The following CFH variants were observed in gnomAD, a reference collection of about 807,000 sequenced individuals.
CFH encodes H factor 1 (complement).
A neutral mutation model predicts 147.3 loss-of-function variants in CFH; 53 were observed. The observed-to-expected ratio is 0.36, with a 90% CI of 0.29 to 0.45. The LOEUF (loss-of-function observed/expected upper bound fraction) is 0.45, where lower values mean the gene tolerates loss of function less well. Ranked by LOEUF, CFH falls within the 20% of genes least tolerant of loss-of-function variation. The pLI is 1.00. For synonymous variants in CFH, 536 were observed against 489.4 expected (o/e 1.10, Z -1.26); for missense variants, 1,380 against 1,498.0 (o/e 0.92, Z 1.30).
intron 9 of CFH, among the ~76,000 whole-genome samples, chr1:196,696,931 C>A (rs556783221): frequency 6.6e-6 from 1 of 152,136 alleles, no homozygotes; most frequent in Non-Finnish European, 1.5e-5. Context: ...ATAAATGGTG[C>A]TGGGAAAACA....
chr1:196,746,719 A>G (rs1653021439), intron 21 of CFH, among the ~76,000 whole-genome samples: 2 of 152,286 alleles, frequency 1.3e-5, no homozygotes, highest in East Asian at 1.9e-4. Flanking sequence ...AAACAATACA[A>G]TATTATTAGC....
chr1:196,677,661 T>C lies in CFH; in HGVS notation c.613T>C (p.Cys205Arg). Residue 205 changes from cysteine (C) to arginine (R), a missense_variant, in exon 5 of 22, where the codon TGT (cysteine) becomes CGT (arginine). By Grantham distance (180) the Cys-to-Arg change is radical. Around this residue, in one of 4 missense-constraint regions of CFH, gnomAD observed 260 missense variants for 263.3 expected, o/e 0.99. Coordinates refer to ENST00000367429, the MANE Select transcript of CFH (RefSeq NM_000186.4). ...TTTTTGGAGTAAAGAGAAACCAAAG[T>C]GTGTGGGTAAGATACACTTACTGTT... ...DGFWSKEKPKCVEISCKSPDV... is the reference protein window; with the variant it reads ...DGFWSKEKPKRVEISCKSPDV... 1 of 1,612,648 alleles carries C rather than the reference T, an allele frequency of 6.2e-7. No homozygotes were observed. Among genetic ancestry groups the C allele is most frequent in the Non-Finnish European group, 8.5e-7 (1 of 1,178,936 alleles).
Position 196,747,439 on chromosome 1 carries a change from T to A in CFH, c.*126T>A, listed in dbSNP as rs551483226. The A allele has an allele frequency of 2.1e-5, 24 of 1,160,614 alleles. 1 individual carries two copies. The African/African-American group carries it at 2.9e-4, about 14-fold the overall frequency. The allele number at this position is 1,160,614 out of a possible 1,614,324, so 71.9% of individuals were successfully genotyped here. A position where few individuals can be genotyped will look rare whatever the true frequency, so the allele number is the denominator to read the frequency against. On this transcript the variant is annotated 3_prime_UTR_variant, in exon 22 of 22. Coordinates refer to ENST00000367429, the MANE Select transcript of CFH (RefSeq NM_000186.4). ...AAAATTTTGGATTAATTTGTGAAAATGTAATTATAAGCTGAGACCGGTGGC... is the reference window on the plus strand; with the variant it reads ...AAAATTTTGGATTAATTTGTGAAAAAGTAATTATAAGCTGAGACCGGTGGC...
At position 196,737,496 on chromosome 1, in the gene CFH, C is replaced by T; in HGVS notation, c.2618C>T (p.Pro873Leu). The change falls in exon 17 of 22, where the codon CCA becomes CTA. Residue 873 changes from proline (P) to leucine (L), a missense_variant. By Grantham distance (98) the Pro-to-Leu change is moderately conservative (BLOSUM62 -3). Transcript: ENST00000367429. Reference sequence around the variant, plus strand: ...TTAGAAAAAATTCCATGTTCACAACCACCTCAGATAGAACACGGAACCATT... The same window carrying T: ...TTAGAAAAAATTCCATGTTCACAACTACCTCAGATAGAACACGGAACCATT... The part of the protein sequence containing the change: ...LCVEKIPCSQ[P>L]PQIEHGTINS... 1.2e-6 allele frequency: 2 copies of T among 1,612,472 alleles called. No homozygotes were observed. The highest frequency in any genetic ancestry group is 1.7e-6 in the Non-Finnish European group (2 of 1,179,034).
At chr1:196,725,817 G>A (rs1450228062) in intron 12 of CFH, among the ~76,000 whole-genome samples, 3 of 152,078 alleles carry the variant, frequency 2.0e-5, no homozygotes, top group Non-Finnish European at 4.4e-5. Context: ...CCTGAGAGGG[G>A]GCATTCATCT....
chr1:196,676,139 T>C (rs746517444), intron 4 of CFH, 74 bp downstream of exon 4: 2 of 852,186 alleles, frequency 2.3e-6, no homozygotes, highest in Non-Finnish European at 3.7e-6. Context: ...CATTAAAATA[T>C]CTTAAAGTCT....
chr1:196,746,042 T>C, intron 21 of CFH, 43 bp downstream of exon 21: 5 of 1,613,854 alleles, frequency 3.1e-6, no homozygotes, highest in Non-Finnish European at 3.4e-6. Flanking sequence ...ATCTCTGTGA[T>C]GAGTCTGATA....
At chr1:196,682,203 C>T (rs191529566) in intron 6 of CFH, among the ~76,000 whole-genome samples, 18 of 151,648 alleles carry the variant, frequency 1.2e-4, no homozygotes, top group South Asian at 4.1e-4. Context: ...ATCTTTGATC[C>T]GAATCTATCT....
intron 6 of CFH, among the ~76,000 whole-genome samples, chr1:196,684,424 CAT>C (rs1388491160): frequency 6.6e-6 from 1 of 151,918 alleles, no homozygotes; most frequent in Non-Finnish European, 1.5e-5. Flanking sequence ...TATTTTCATT[CAT>C]GTTCACTGTC....
At chr1:196,727,247 A>G (rs1435411957) in intron 14 of CFH, among the ~76,000 whole-genome samples, 2 of 152,154 alleles carry the variant, frequency 1.3e-5, no homozygotes, top group Non-Finnish European at 2.9e-5. Context: ...CACGCCTATA[A>G]CCTCAACACT....
chr1:196,658,966 G>C (rs1237675513), intron 1 of CFH, among the ~76,000 whole-genome samples: 1 of 152,190 alleles, frequency 6.6e-6, no homozygotes, highest in Non-Finnish European at 1.5e-5. Flanking sequence ...TAAATGACTT[G>C]TAAACGTAAG....
chr1:196,732,547 C>G (rs1451122220), intron 15 of CFH, among the ~76,000 whole-genome samples: 3 of 151,958 alleles, frequency 2.0e-5, no homozygotes, highest in Non-Finnish European at 4.4e-5. Context: ...TTCTTTAACT[C>G]ACAGTGTTTC....
chr1:196,679,666 A>G lies in CFH; in HGVS notation c.663A>G (p.Ile221Met), dbSNP rs1259243201. Residue 221 changes from isoleucine to methionine, a missense_variant, in exon 6 of 22, where the codon ATA becomes ATG. By Grantham distance (10) the Ile-to-Met change is conservative (BLOSUM62 1). Around this residue, in one of 4 missense-constraint regions of CFH, gnomAD observed 167 missense variants for 228.0 expected, o/e 0.73. Coordinates refer to ENST00000367429, the MANE Select transcript of CFH (RefSeq NM_000186.4). Reference sequence around the variant, plus strand: ...CAGATGTTATAAATGGATCTCCTATATCTCAGAAGATTATTTATAAGGAGA... The same window carrying G: ...CAGATGTTATAAATGGATCTCCTATGTCTCAGAAGATTATTTATAAGGAGA... ...KSPDVINGSP[I>M]SQKIIYKENE... The G allele has an allele frequency of 6.2e-7, 1 of 1,607,218 alleles. No individual in the cohort carries two copies. The highest frequency in any genetic ancestry group is 2.2e-5 in the East Asian group (1 of 44,714).
intron 6 of CFH, among the ~76,000 whole-genome samples, chr1:196,682,412 A>G (rs568700108): frequency 1.7e-4 from 26 of 151,898 alleles, no homozygotes; most frequent in African/African-American, 6.0e-4. Context: ...TTATGAGTGT[A>G]GGAAATTAAG....
chr1:196,662,476 T>TTTTAA (rs200338154), intron 1 of CFH, among the ~76,000 whole-genome samples: 1,826 of 152,338 alleles, frequency 0.012, 42 homozygotes, highest in African/African-American at 0.042. Context: ...TTTTCTTTGT[T>TTTTAA]TTTCATTTCT....
chr1:196,735,929 A>T (rs896570251), intron 15 of CFH, among the ~76,000 whole-genome samples: 1 of 152,064 alleles, frequency 6.6e-6, no homozygotes, highest in Non-Finnish European at 1.5e-5. Flanking sequence ...CATTGCCATG[A>T]TTTCCTATAG....
intron 11 of CFH, among the ~76,000 whole-genome samples, chr1:196,717,801 C>T (rs1668907677): frequency 6.6e-6 from 1 of 152,122 alleles, no homozygotes; most frequent in African/African-American, 2.4e-5. Flanking sequence ...AAAGGACTCA[C>T]AGCTACTGTG....
chr1:196,740,006 G>A (rs1652756127), intron 17 of CFH, among the ~76,000 whole-genome samples: 1 of 152,178 alleles, frequency 6.6e-6, no homozygotes, highest in Admixed American at 6.5e-5. Context: ...GGAAGGAGAA[G>A]TGCAAAGCAA....
chr1:196,743,361 AT>A, intron 19 of CFH, 90 bp from the exon 20 acceptor site: 2 of 1,522,654 alleles, frequency 1.3e-6, no homozygotes, highest in Non-Finnish European at 1.8e-6. Context: ...CTTATTTTAA[AT>A]TCGTCTTGAA....
Sources: gnomAD v4.1 joint callset for allele counts (sites outside exome capture counted in the v4.1 genomes callset) on GRCh38, gnomAD v4.1.1 for gene constraint, gnomAD v4.1.1 regional missense constraint, MANE v1.5 for transcripts, NCBI Gene and HGNC (gene_info 2026-07-23, HGNC 2026-07-21) for gene names.